Variants in SLC9A8 observed in about 807,000 individuals in gnomAD.
SLC9A8 encodes the protein sodium/hydrogen exchanger 8.
A neutral mutation model predicts 66.6 loss-of-function variants in SLC9A8; 48 were observed. That is an observed-to-expected ratio of 0.72 (90% CI 0.57 to 0.92). The LOEUF (loss-of-function observed/expected upper bound fraction) is 0.92, where lower values mean the gene tolerates loss of function less well. Among genes scored for constraint, SLC9A8 ranks in the 40% least tolerant of loss-of-function variants. The probability of loss-of-function intolerance (pLI) is 0.00; values close to 1 mark genes in which losing one functional copy is unlikely to be tolerated. For synonymous variants in SLC9A8, 274 were observed against 282.6 expected (o/e 0.97, Z 0.31); for missense variants, 599 against 747.3 (o/e 0.80, Z 2.31).
At chr20:49,819,069 T>C (rs939005667) in intron 2 of SLC9A8, among the ~76,000 whole-genome samples, 1 of 152,236 alleles carries the variant, frequency 6.6e-6, no homozygotes, top group Non-Finnish European at 1.5e-5. Context: ...TTTTGATTTT[T>C]AGAAGCTTGA....
intron 3 of SLC9A8, among the ~76,000 whole-genome samples, chr20:49,834,392 ATATATATACTGTGTATATATATATACTG>A (rs1370116951): frequency 5.3e-5 from 4 of 75,142 alleles, no homozygotes; most frequent in Admixed American, 1.3e-4. Context: ...TACTGTGTAT[ATATATATACTGTGTATATATATATACTG>A]TATATATATA....
intron 10 of SLC9A8, among the ~76,000 whole-genome samples, chr20:49,873,985 C>A (rs1040761313): frequency 2.6e-5 from 4 of 151,446 alleles, no homozygotes; most frequent in African/African-American, 9.7e-5. Context: ...TGCAGTGGCT[C>A]ACACCTGTAA....
Position 49,830,615 on chromosome 20 carries a change from C to T in SLC9A8, c.289+7474C>T, listed in dbSNP as rs543241139. 4.5e-5 allele frequency: 28 copies of T among 618,502 alleles called. No homozygotes were observed. In the East Asian group the frequency reaches 5.7e-4, roughly 13 times the overall value. 38.3% of individuals were successfully genotyped at this position (618,502 alleles called of 1,614,324 possible). The stretch of plus-strand genomic sequence containing the variant: ...CAGGGAATCAGCAGCTTTCTAATCA[C>T]AGAATGTTGGTGATCTTAGCAGCTG... On this transcript the variant is annotated intron_variant, in intron 3 of 15. Transcript: ENST00000361573.
rs564720147 is a variant in SLC9A8 at position 49,881,914 on chromosome 20, G to T, written c.1270+879G>T. Among the ~76,000 whole-genome samples the T allele has an allele frequency of 2.0e-5, 3 of 152,214 alleles. No homozygotes were observed. The East Asian group carries it at 5.8e-4, about 29-fold the overall frequency. On this transcript the variant is annotated intron_variant, in intron 13 of 15. Transcript: ENST00000361573. The stretch of plus-strand genomic sequence containing the variant: ...TGAAGTGATGTGGGCTATTTGGGAA[G>T]GGGGGCATGAGGATAAGAGAGCGTT...
At chr20:49,877,179 A>AG (rs932154099) in intron 11 of SLC9A8, among the ~76,000 whole-genome samples, 4 of 151,240 alleles carry the variant, frequency 2.6e-5, no homozygotes, top group Non-Finnish European at 5.9e-5. Flanking sequence ...CTGTAATCCC[A>AG]GCTGCTTGGG....
At chr20:49,844,964 CT>C in intron 4 of SLC9A8, 71 bp from the exon 5 acceptor site, 1 of 1,065,874 alleles carries the variant, frequency 9.4e-7, no homozygotes, top group Non-Finnish European at 1.5e-6. Context: ...ATTATTTTGG[CT>C]CTTTATTGAT....
chr20:49,832,428 A>G (rs1233533217), intron 3 of SLC9A8, among the ~76,000 whole-genome samples: 4 of 152,002 alleles, frequency 2.6e-5, no homozygotes. Context: ...TGGATAGGGG[A>G]CCAGAGGGCG....
intron 3 of SLC9A8, among the ~76,000 whole-genome samples, chr20:49,837,505 G>A (rs1344840121): frequency 2.6e-5 from 4 of 151,470 alleles, no homozygotes; most frequent in African/African-American, 9.7e-5. Flanking sequence ...GTGTTTCTCA[G>A]CCATTTGTAT....
At chr20:49,843,470 G>C (rs2087851379) in intron 4 of SLC9A8, among the ~76,000 whole-genome samples, 1 of 151,998 alleles carries the variant, frequency 6.6e-6, no homozygotes, top group Non-Finnish European at 1.5e-5. Context: ...ATACATTTAG[G>C]CATTCTTTGG....
chr20:49,843,632 C>T (rs2087858033), intron 4 of SLC9A8, among the ~76,000 whole-genome samples: 1 of 152,132 alleles, frequency 6.6e-6, no homozygotes, highest in Non-Finnish European at 1.5e-5. Context: ...CCCCAAAATT[C>T]TACCAACAAC....
intron 3 of SLC9A8, among the ~76,000 whole-genome samples, chr20:49,837,880 G>A (rs1224147562): frequency 6.6e-6 from 1 of 152,068 alleles, no homozygotes; most frequent in Non-Finnish European, 1.5e-5. Flanking sequence ...GTTCTGTGTG[G>A]CATTTTTATA....
intron 3 of SLC9A8, among the ~76,000 whole-genome samples, chr20:49,827,015 C>T (rs1034309246): frequency 2.0e-5 from 3 of 151,606 alleles, no homozygotes; most frequent in Non-Finnish European, 2.9e-5. Flanking sequence ...GATCTTGGCG[C>T]ACTGCAACCT....
chr20:49,846,230 T>A (rs1033489495), intron 5 of SLC9A8, among the ~76,000 whole-genome samples: 1 of 152,188 alleles, frequency 6.6e-6, no homozygotes, highest in Non-Finnish European at 1.5e-5. Flanking sequence ...GTGAGTTTTC[T>A]TTAAACATAA....
intron 10 of SLC9A8, among the ~76,000 whole-genome samples, chr20:49,866,703 T>A (rs1304088519): frequency 1.3e-5 from 2 of 149,928 alleles, no homozygotes; most frequent in Non-Finnish European, 2.9e-5. Flanking sequence ...TTTATCAATA[T>A]TTTTTTGTTC....
intron 3 of SLC9A8, among the ~76,000 whole-genome samples, chr20:49,833,126 G>A (rs6125780): frequency 3.9e-5 from 6 of 152,064 alleles, no homozygotes; most frequent in Non-Finnish European, 5.9e-5. Flanking sequence ...GGCTGGTCTC[G>A]AACTCCTGAC....
intron 10 of SLC9A8, among the ~76,000 whole-genome samples, chr20:49,869,329 C>T (rs558845936): frequency 6.6e-6 from 1 of 152,088 alleles, no homozygotes; most frequent in African/African-American, 2.4e-5. Flanking sequence ...AAGCAATTCT[C>T]TGCCTCAGCC....
At chr20:49,828,848 GTAA>G (rs60945627) in intron 3 of SLC9A8, among the ~76,000 whole-genome samples, 1,724 of 149,832 alleles carry the variant, frequency 0.012, 23 homozygotes, top group African/African-American at 0.037. Flanking sequence ...CAAATAAATA[GTAA>G]TAATAATAAT....
At chr20:49,827,954 G>T (rs1377271517) in intron 3 of SLC9A8, among the ~76,000 whole-genome samples, 3 of 151,576 alleles carry the variant, frequency 2.0e-5, no homozygotes, top group Non-Finnish European at 2.9e-5. Context: ...TCTACTAAAA[G>T]ATTTTAATTT....
chr20:49,873,771 C>CAAAAAAAA (rs35613935), intron 10 of SLC9A8, among the ~76,000 whole-genome samples: 2 of 60,228 alleles, frequency 3.3e-5, no homozygotes, highest in Non-Finnish European at 6.1e-5. Context: ...AACTCCGTCT[C>CAAAAAAAA]AAAAAAAAAA....
Sources: allele counts gnomAD v4.1 joint callset (sites outside exome capture counted in the v4.1 genomes callset), GRCh38; gene constraint gnomAD v4.1.1; transcripts MANE v1.5; gene names NCBI Gene and HGNC (gene_info 2026-07-23, HGNC 2026-07-21).